The following RALGAPB variants were observed in gnomAD, a reference collection of about 807,000 sequenced individuals.
RALGAPB encodes ral GTPase-activating protein subunit beta.
A neutral mutation model predicts 161.1 loss-of-function variants in RALGAPB; 25 were observed. The ratio of observed to expected loss-of-function variants is 0.16; its 90% confidence interval spans 0.11 to 0.22. The LOEUF is 0.22. Ranked by LOEUF, RALGAPB falls within the 10% of genes least tolerant of loss-of-function variation. The probability of loss-of-function intolerance (pLI) is 1.00; values close to 1 mark genes in which losing one functional copy is unlikely to be tolerated. For missense variants in RALGAPB, 1,391 were observed against 1,815.2 expected (o/e 0.77, Z 4.25); for synonymous variants, 629 against 626.1 (o/e 1.00, Z -0.07).
At chr20:38,479,276 T>G (rs1425229049) in intron 1 of RALGAPB, among the ~76,000 whole-genome samples, 1 of 152,226 alleles carries the variant, frequency 6.6e-6, no homozygotes, top group East Asian at 1.9e-4. Flanking sequence ...ATAACTGATG[T>G]CTGGATGTAC....
intron 18 of RALGAPB, among the ~76,000 whole-genome samples, chr20:38,543,604 T>G (rs1300794889): frequency 6.6e-6 from 1 of 152,208 alleles, no homozygotes; most frequent in East Asian, 1.9e-4. Flanking sequence ...AAGGGCACCA[T>G]CTGATCTTTT....
intron 19 of RALGAPB, chr20:38,547,862 C>G (rs934987671): frequency 6.6e-6 from 1 of 152,166 alleles, no homozygotes; most frequent in African/African-American, 2.4e-5. Context: ...GCCTCCTACT[C>G]CAAGCCATCT....
intron 18 of RALGAPB, among the ~76,000 whole-genome samples, chr20:38,542,145 A>T (rs1334141961): frequency 6.6e-6 from 1 of 152,206 alleles, no homozygotes; most frequent in Non-Finnish European, 1.5e-5. Flanking sequence ...GATGGGGCTT[A>T]TGAAAGGATA....
chr20:38,550,954 T>A (rs1238764809), intron 20 of RALGAPB, 117 bp from the exon 21 acceptor site: 1 of 1,246,506 alleles, frequency 8.0e-7, no homozygotes, highest in East Asian at 2.4e-5. Context: ...TCTGAGTGAG[T>A]TTTTGTGACA....
intron 24 of RALGAPB, among the ~76,000 whole-genome samples, chr20:38,563,455 G>A (rs1291970282): frequency 6.6e-6 from 1 of 152,208 alleles, no homozygotes; most frequent in Admixed American, 6.5e-5. Context: ...GTAAACAGCT[G>A]ACCATCTCTG....
At position 38,574,767 on chromosome 20, in the gene RALGAPB, T is replaced by A. The variant is rs2088374183; in HGVS notation, c.4292-7T>A. ...TAACGTTTATTTTAAAACTCTCTATTTTCAAGGCTTTCTGGTGAGGCAGAC... is the reference window on the plus strand; with the variant it reads ...TAACGTTTATTTTAAAACTCTCTATATTCAAGGCTTTCTGGTGAGGCAGAC... On this transcript the variant is annotated splice_polypyrimidine_tract_variant and splice_region_variant and intron_variant, in intron 29 of 29. Transcript: ENST00000262879. The A allele has an allele frequency of 1.2e-6, 2 of 1,611,466 alleles. No individual in the cohort carries two copies. Among genetic ancestry groups the A allele is most frequent in the Non-Finnish European group, 8.5e-7 (1 of 1,177,904 alleles).
At chr20:38,476,275 G>A (rs539615816) in intron 1 of RALGAPB, among the ~76,000 whole-genome samples, 1 of 152,358 alleles carries the variant, frequency 6.6e-6, no homozygotes, top group South Asian at 2.1e-4. Flanking sequence ...GTGTTAGCAG[G>A]TGTGTTTCCT....
intron 24 of RALGAPB, among the ~76,000 whole-genome samples, chr20:38,564,278 A>G (rs2087902878): frequency 6.6e-6 from 1 of 152,186 alleles, no homozygotes. Flanking sequence ...TAGATTATAC[A>G]TTGTCTATGA....
intron 22 of RALGAPB, among the ~76,000 whole-genome samples, chr20:38,556,998 G>T (rs1002570254): frequency 2.0e-5 from 3 of 152,130 alleles, no homozygotes; most frequent in Non-Finnish European, 4.4e-5. Context: ...CCTAGACCTT[G>T]CTAGGAATGT....
At chr20:38,485,966 C>CTTTTTTTTT (rs11481893) in intron 1 of RALGAPB, among the ~76,000 whole-genome samples, 5 of 90,710 alleles carry the variant, frequency 5.5e-5, no homozygotes, top group Non-Finnish European at 7.9e-5. Flanking sequence ...CTTTCTATAT[C>CTTTTTTTTT]TTTTTTTTTT....
chr20:38,483,485 G>A (rs1025593240), intron 1 of RALGAPB, among the ~76,000 whole-genome samples: 1 of 152,116 alleles, frequency 6.6e-6, no homozygotes, highest in African/African-American at 2.4e-5. Flanking sequence ...ACTACAGTGA[G>A]CATCTTGTAC....
At position 38,513,055 on chromosome 20, in the gene RALGAPB, C is replaced by T. The variant is rs566980141; in HGVS notation, c.873-3137C>T. On this transcript the variant is annotated intron_variant, in intron 6 of 29. Coordinates refer to ENST00000262879, the MANE Select transcript of RALGAPB (RefSeq NM_020336.4). The stretch of plus-strand genomic sequence containing the variant: ...GATTACAGGCTTGAGCCACCACGCC[C>T]GGCCAGCAATTAAAAATTTTTAAAA... Among the ~76,000 whole-genome samples, 243 of 152,162 alleles carry T rather than the reference C, an allele frequency of 1.6e-3. 1 individual carries two copies. Among genetic ancestry groups the T allele is most frequent in the Middle Eastern group, 3.4e-3 (1 of 294 alleles).
Position 38,497,466 on chromosome 20 carries a change from T to G in RALGAPB, c.503T>G (p.Leu168Trp). 6.2e-7 allele frequency: 1 copy of G among 1,614,174 alleles called. No individual in the cohort carries two copies. The highest frequency in any genetic ancestry group is 8.5e-7 in the Non-Finnish European group (1 of 1,180,014). The change falls in exon 4 of 30, where the codon TTG becomes TGG. Residue 168 changes from leucine (L) to tryptophan (W), a missense_variant. Leu to Trp is a moderately conservative substitution (Grantham distance 61). Around this residue, in one of 3 missense-constraint regions of RALGAPB, gnomAD observed 946 missense variants for 1,257.2 expected, o/e 0.75. Transcript: ENST00000262879. ...MARETWEVLL[L>W]FLLQINDILL... ...CGAGAAACTTGGGAAGTCTTACTGT[T>G]GTTTCTTCTGCAGATTAACGACATA... is the stretch of plus-strand genomic sequence containing the variant.
At chr20:38,538,384 C>A in intron 16 of RALGAPB, 1 of 211,900 alleles carries the variant, frequency 4.7e-6, no homozygotes, top group South Asian at 1.1e-4. Context: ...CACTGTAGAC[C>A]CTAAAGATGA....
intron 2 of RALGAPB, among the ~76,000 whole-genome samples, chr20:38,489,472 C>G (rs562360990): frequency 6.6e-6 from 1 of 152,164 alleles, no homozygotes; most frequent in Admixed American, 6.5e-5. Flanking sequence ...TTGGGTTCAG[C>G]GGCCCAGGCT....
chr20:38,483,198 T>C (rs1187953482), intron 1 of RALGAPB, among the ~76,000 whole-genome samples: 1 of 152,218 alleles, frequency 6.6e-6, no homozygotes, highest in Non-Finnish European at 1.5e-5. Context: ...CTTATTCTAT[T>C]ATTATCCCCA....
chr20:38,571,258 A>G (rs1179663389), intron 28 of RALGAPB, among the ~76,000 whole-genome samples: 1 of 152,120 alleles, frequency 6.6e-6, no homozygotes, highest in Non-Finnish European at 1.5e-5. Context: ...CCTCTTAGCA[A>G]ATTTTTAAGT....
Position 38,535,181 on chromosome 20 carries a change from C to T in RALGAPB, c.2353C>T (p.Leu785=), listed in dbSNP as rs747949621. ...RQDMSISLAA[L]ELLSGLAKVK... ...AGACATGAGCATATCACTGGCAGCT[C>T]TAGAGCTCCTCTCTGGCCTTGCAAA... Residue 785 remains leucine (L), a synonymous_variant, in exon 16 of 30, where the codon CTA becomes TTA. Coordinates refer to ENST00000262879, the MANE Select transcript of RALGAPB (RefSeq NM_020336.4). The T allele has an allele frequency of 6.2e-7, 1 of 1,614,220 alleles. No individual in the cohort carries two copies. The highest frequency in any genetic ancestry group is 8.5e-7 in the Non-Finnish European group (1 of 1,180,038).
In RALGAPB at chr20:38,534,158, A is replaced by G. The variant is rs1180841946; in HGVS notation, c.2246-916A>G. On this transcript the variant is annotated intron_variant, in intron 15 of 29. Coordinates refer to ENST00000262879, the MANE Select transcript of RALGAPB (RefSeq NM_020336.4). ...CATCTCAAAAAAAAAAAAAAAAAAC[A>G]GAAAACAAAAACAAAAAAAGAAATT... 2.7e-5 allele frequency among the ~76,000 whole-genome samples: 4 copies of G among 150,612 alleles called. No individual in the cohort carries two copies. The East Asian group carries it at 5.8e-4, about 22-fold the overall frequency.
Sources: gnomAD v4.1 joint callset for allele counts (sites outside exome capture counted in the v4.1 genomes callset) on GRCh38, gnomAD v4.1.1 for gene constraint, gnomAD v4.1.1 regional missense constraint, MANE v1.5 for transcripts, NCBI Gene and HGNC (gene_info 2026-07-23, HGNC 2026-07-21) for gene names.